Variants in GATAD2B observed in about 807,000 individuals in gnomAD.
GATAD2B encodes transcriptional repressor p66-beta.
GATAD2B carries 8 observed loss-of-function variants against 64.3 expected under a neutral mutation model. The observed-to-expected ratio is 0.12, with a 90% CI of 0.07 to 0.22. The LOEUF (loss-of-function observed/expected upper bound fraction) is 0.22, where lower values mean the gene tolerates loss of function less well. Ranked by LOEUF, GATAD2B falls within the 10% of genes least tolerant of loss-of-function variation. GATAD2B has a pLI of 1.00. For synonymous variants in GATAD2B, 281 were observed against 271.3 expected, an observed-to-expected ratio of 1.04 and a Z score of -0.35; for missense variants, 453 against 752.0, an observed-to-expected ratio of 0.60 and a Z score of 4.65.
chr1:153,833,351 T>C (rs888424393), intron 1 of GATAD2B, among the ~76,000 whole-genome samples: 3 of 152,236 alleles, frequency 2.0e-5, no homozygotes, highest in African/African-American at 4.8e-5. Flanking sequence ...TGAGATCTAC[T>C]GCTCAGAAAA....
At chr1:153,827,414 G>C (rs1400053191) in intron 2 of GATAD2B, 1 of 152,884 alleles carries the variant, frequency 6.5e-6, no homozygotes, top group African/African-American at 2.4e-5. Flanking sequence ...ACTCAACCTT[G>C]AAAGACACCA....
rs1053690131 is a variant in GATAD2B, at chr1:153,823,251, C to A, written c.336-3516G>T. On this transcript the variant is annotated intron_variant, in intron 2 of 10. Transcript: ENST00000368655. The stretch of plus-strand genomic sequence containing the variant: ...TATTAGAGAGATATTATTAAAAGAC[C>A]CACTTGGTGTGACATCACTTGTGAC... Among the ~76,000 whole-genome samples, 10 of 151,988 alleles carry A rather than the reference C, an allele frequency of 6.6e-5. No individual in the cohort carries two copies. In the South Asian group the frequency reaches 2.1e-3, roughly 32 times the overall value.
At chr1:153,878,269 G>A (rs540489470) in intron 1 of GATAD2B, among the ~76,000 whole-genome samples, 74 of 150,622 alleles carry the variant, frequency 4.9e-4, no homozygotes, top group Admixed American at 2.7e-3. Context: ...CCAGCCTCCC[G>A]AGTAGCTAGG....
intron 1 of GATAD2B, among the ~76,000 whole-genome samples, chr1:153,874,764 A>G (rs1570979834): frequency 6.6e-6 from 1 of 151,786 alleles, no homozygotes; most frequent in East Asian, 1.9e-4. Flanking sequence ...TTTAGTAGAG[A>G]CAGGGTTTCA....
chr1:153,907,548 G>A (rs952423109), intron 1 of GATAD2B, among the ~76,000 whole-genome samples: 1 of 152,058 alleles, frequency 6.6e-6, no homozygotes, highest in Non-Finnish European at 1.5e-5. Context: ...AGTTTGGGAA[G>A]ATGAAGAAGT....
chr1:153,914,227 C>CA (rs759245034), intron 1 of GATAD2B, among the ~76,000 whole-genome samples: 3,781 of 65,402 alleles, frequency 0.058, 206 homozygotes, highest in East Asian at 0.15. Flanking sequence ...CCCAGACTCT[C>CA]AAAAAAAAAA....
rs1461325619 is a variant in GATAD2B at position 153,809,312 on chromosome 1, CAGG to C, written c.*862_*864del. The C allele has an allele frequency of 6.6e-6, 1 of 152,150 alleles. No individual in the cohort carries two copies. Among genetic ancestry groups the C allele is most frequent in the Non-Finnish European group, 1.5e-5 (1 of 68,028 alleles). 9.4% of individuals were successfully genotyped at this position (152,150 alleles called of 1,614,324 possible). The stretch of plus-strand genomic sequence containing the variant: ...TAGACTTCCGTGTTCCCAATGGGGT[CAGG>C]AGATCGGTCTTATTTCCCCAAGATA... On this transcript the variant is annotated 3_prime_UTR_variant, in exon 11 of 11. Transcript: ENST00000368655.
At chr1:153,839,562 TAG>T in intron 1 of GATAD2B, among the ~76,000 whole-genome samples, 1 of 152,148 alleles carries the variant, frequency 6.6e-6, no homozygotes, top group East Asian at 1.9e-4. Flanking sequence ...AAGTTTAAAG[TAG>T]TAATAGTCTA....
intron 1 of GATAD2B, among the ~76,000 whole-genome samples, chr1:153,909,535 C>T (rs964175287): frequency 6.6e-6 from 1 of 151,704 alleles, no homozygotes; most frequent in Non-Finnish European, 1.5e-5. Context: ...GGCACGATGG[C>T]TCATGCCTGT....
At chr1:153,919,163 AAGTAACGAATGATGTGTTCTT>A (rs1337652277) in intron 1 of GATAD2B, among the ~76,000 whole-genome samples, 3 of 152,178 alleles carry the variant, frequency 2.0e-5, no homozygotes, top group Non-Finnish European at 4.4e-5. Flanking sequence ...CATATCTCAA[AAGTAACGAATGATGTGTTCTT>A]AGTAATCTGC....
intron 1 of GATAD2B, among the ~76,000 whole-genome samples, chr1:153,866,049 C>G (rs188244616): frequency 6.6e-6 from 1 of 152,044 alleles, no homozygotes; most frequent in Admixed American, 6.6e-5. Flanking sequence ...TACAAAAATA[C>G]AAAACTTAGC....
At chr1:153,833,536 T>C (rs979758172) in intron 1 of GATAD2B, among the ~76,000 whole-genome samples, 2 of 152,140 alleles carry the variant, frequency 1.3e-5, no homozygotes, top group African/African-American at 4.8e-5. Flanking sequence ...GAAATATTGC[T>C]GGGCATGGGG....
chr1:153,894,423 G>A (rs757464239), intron 1 of GATAD2B, among the ~76,000 whole-genome samples: 6 of 151,866 alleles, frequency 4.0e-5, no homozygotes, highest in Admixed American at 6.6e-5. Context: ...AGCTGAATTC[G>A]TGCCGCCGCA....
intron 1 of GATAD2B, among the ~76,000 whole-genome samples, chr1:153,889,457 C>T (rs1227983614): frequency 6.8e-6 from 1 of 147,086 alleles, no homozygotes; most frequent in Non-Finnish European, 1.5e-5. Context: ...AAAGAATGTA[C>T]CATGTATATT....
chr1:153,897,407 G>A (rs923406668), intron 1 of GATAD2B, among the ~76,000 whole-genome samples: 11 of 152,116 alleles, frequency 7.2e-5, no homozygotes, highest in African/African-American at 2.7e-4. Flanking sequence ...TGGCTTTTCT[G>A]TTTCTTCTAA....
At chr1:153,863,921 G>A (rs1466430729) in intron 1 of GATAD2B, among the ~76,000 whole-genome samples, 4 of 152,206 alleles carry the variant, frequency 2.6e-5, no homozygotes, top group South Asian at 4.1e-4. Context: ...CACCACGCCC[G>A]GCCTAAAAAT....
chr1:153,868,466 G>C (rs934061709), intron 1 of GATAD2B, among the ~76,000 whole-genome samples: 10 of 151,402 alleles, frequency 6.6e-5, no homozygotes, highest in African/African-American at 2.4e-4. Context: ...GGGGGACGGG[G>C]TGGGGGTGGA....
chr1:153,811,606 G>C (rs1570922109), intron 10 of GATAD2B, 125 bp downstream of exon 10: 4 of 732,306 alleles, frequency 5.5e-6, no homozygotes, highest in Non-Finnish European at 9.7e-6. Flanking sequence ...ACAGAAGAGT[G>C]AGAGTGTATG....
At chr1:153,902,542 C>A (rs1677810814) in intron 1 of GATAD2B, among the ~76,000 whole-genome samples, 3 of 152,200 alleles carry the variant, frequency 2.0e-5, no homozygotes, top group East Asian at 1.9e-4. Flanking sequence ...GCAGCCTCAA[C>A]CTCCCGGGCT....
Sources: gnomAD v4.1 joint callset for allele counts (sites outside exome capture counted in the v4.1 genomes callset) on GRCh38, gnomAD v4.1.1 for gene constraint, MANE v1.5 for transcripts, NCBI Gene and HGNC (gene_info 2026-07-23, HGNC 2026-07-21) for gene names.